The following BMP2K variants were observed in gnomAD, a reference collection of about 807,000 sequenced individuals.
The protein encoded by BMP2K is BMP-2-inducible protein kinase.
A neutral mutation model predicts 116.0 loss-of-function variants in BMP2K; 74 were observed. That is an observed-to-expected ratio of 0.64 (90% CI 0.53 to 0.77). The LOEUF is 0.77. BMP2K is among the 30% of genes least tolerant of loss of function. The pLI is 0.00. For synonymous variants in BMP2K, 486 were observed against 502.5 expected (o/e 0.97, Z 0.44); for missense variants, 1,365 against 1,403.6 (o/e 0.97, Z 0.44).
Position 78,900,117 on chromosome 4 carries a change from C to T in BMP2K, c.2063-10493C>T, listed in dbSNP as rs142490020. Among the ~76,000 whole-genome samples, 678 of 152,288 alleles carry T rather than the reference C, an allele frequency of 4.5e-3. 2 individuals carry two copies. Among genetic ancestry groups the T allele is most frequent in the African/African-American group, 0.015 (640 of 41,562 alleles). On this transcript the variant is annotated intron_variant, in intron 15 of 15. Transcript: ENST00000502613. ...CAGCAAGAACAACCCCTCTTCTTTG[C>T]TCCTCAGCCTACTCAATGTGAAGAC...
chr4:78,910,852 CAAG>C lies in BMP2K; in HGVS notation c.2306_2308del (p.Gln769_Gly770delinsArg), dbSNP rs1734550779. The C allele has an allele frequency of 6.2e-7, 1 of 1,613,874 alleles. No homozygotes were observed. The highest frequency in any genetic ancestry group is 1.1e-5 in the South Asian group (1 of 91,074). ...TGATGAAGAAGTTCTTCAGGGGGAA[CAAG>C]GAGATTTTAATGATGATGATACTGA... On this transcript the variant is annotated inframe_deletion, in exon 16 of 16. Coordinates refer to ENST00000502613, the MANE Select transcript of BMP2K (RefSeq NM_198892.2).
At position 78,861,406 on chromosome 4, in the gene BMP2K, A is replaced by G; in HGVS notation, c.1005A>G (p.Ser335=). 1.2e-6 allele frequency: 2 copies of G among 1,606,116 alleles called. No homozygotes were observed. Among genetic ancestry groups the G allele is most frequent in the African/African-American group, 2.7e-5 (2 of 74,554 alleles). Residue 335 remains serine, a synonymous_variant, in exon 9 of 16, where the codon TCA becomes TCG. Coordinates refer to ENST00000502613, the MANE Select transcript of BMP2K (RefSeq NM_198892.2). ...VSNINNSSIP[S]ALPEPMTASE... ...CTTCCAAGAATTCTTCTATTCCTTC[A>G]GCTCTTCCTGAACCGATGACTGCTA...
rs541639127 is a variant in BMP2K at position 78,797,234 on chromosome 4, A to G, written c.178+20513A>G. ...GGCCGGAGTTTCTGTGGTATCTGCA[A>G]GCTCTCAGGTGATGCCAGTTCTGTT... On this transcript the variant is annotated intron_variant, in intron 1 of 15. Transcript: ENST00000502613. Among the ~76,000 whole-genome samples, 50 of 152,288 alleles carry G rather than the reference A, an allele frequency of 3.3e-4. 1 individual carries two copies. In the South Asian group the frequency reaches 0.01, roughly 31 times the overall value.
At chr4:78,862,917 T>G (rs7689396) in intron 9 of BMP2K, among the ~76,000 whole-genome samples, 152,153 of 152,154 alleles carry the variant, frequency 1, 76,076 homozygotes, top group Non-Finnish European at 1. Context: ...TAGTTGAGTG[T>G]TAATTATGAA....
chr4:78,830,348 TTTG>T (rs1730150301), intron 2 of BMP2K, among the ~76,000 whole-genome samples: 1 of 152,164 alleles, frequency 6.6e-6, no homozygotes, highest in South Asian at 2.1e-4. Context: ...TCATTCAGGC[TTTG>T]TTGTTTTATT....
intron 1 of BMP2K, among the ~76,000 whole-genome samples, chr4:78,784,306 T>C (rs1727637710): frequency 6.6e-6 from 1 of 152,210 alleles, no homozygotes; most frequent in Non-Finnish European, 1.5e-5. Flanking sequence ...CTGCCACACT[T>C]TTCTAGTGGT....
At chr4:78,831,192 T>A (rs1282935137) in intron 2 of BMP2K, among the ~76,000 whole-genome samples, 1 of 152,234 alleles carries the variant, frequency 6.6e-6, no homozygotes. Context: ...TAACATTTAT[T>A]AAGTTCACTG....
intron 1 of BMP2K, among the ~76,000 whole-genome samples, chr4:78,808,087 C>T (rs564016470): frequency 3.3e-5 from 5 of 151,880 alleles, no homozygotes; most frequent in African/African-American, 1.2e-4. Context: ...TGGAGTCTCG[C>T]TCTGTTGCCC....
chr4:78,803,185 A>AC (rs1728656627), intron 1 of BMP2K, among the ~76,000 whole-genome samples: 1 of 151,804 alleles, frequency 6.6e-6, no homozygotes. Flanking sequence ...AAAGTGACTA[A>AC]CCCCACTTCA....
Position 78,867,460 on chromosome 4 carries a change from T to C in BMP2K, c.1231+1740T>C, listed in dbSNP as rs547126518. 9.1e-4 allele frequency among the ~76,000 whole-genome samples: 138 copies of C among 152,336 alleles called. 1 individual carries two copies. Among genetic ancestry groups the C allele is most frequent in the African/African-American group, 3.2e-3 (132 of 41,572 alleles). On this transcript the variant is annotated intron_variant, in intron 10 of 15. Coordinates refer to ENST00000502613, the MANE Select transcript of BMP2K (RefSeq NM_198892.2). The stretch of plus-strand genomic sequence containing the variant: ...CTGTGATTGCCAGGCCTAATCCTGA[T>C]GTCAGGGGCCGTGTTTCTCTTTCTT...
At chr4:78,844,706 C>T (rs796964146) in intron 4 of BMP2K, among the ~76,000 whole-genome samples, 8 of 151,666 alleles carry the variant, frequency 5.3e-5, no homozygotes, top group African/African-American at 1.2e-4. Flanking sequence ...TGACCTTCCT[C>T]ATAATTTGGG....
At chr4:78,813,362 C>T (rs2109976629) in intron 1 of BMP2K, among the ~76,000 whole-genome samples, 1 of 152,278 alleles carries the variant, frequency 6.6e-6, no homozygotes, top group East Asian at 1.9e-4. Context: ...GTTCTTCACA[C>T]AGTGGTCATA....
intron 1 of BMP2K, among the ~76,000 whole-genome samples, chr4:78,825,276 A>G (rs1729816352): frequency 6.6e-6 from 1 of 152,206 alleles, no homozygotes; most frequent in South Asian, 2.1e-4. Context: ...GAAGACATTT[A>G]CTGTATGAGT....
At position 78,795,797 on chromosome 4, in the gene BMP2K, A is replaced by T. The variant is rs1416345179; in HGVS notation, c.178+19076A>T. Among the ~76,000 whole-genome samples the T allele has an allele frequency of 3.3e-5, 5 of 152,320 alleles. No individual in the cohort carries two copies. In the East Asian group the frequency reaches 9.6e-4, roughly 29 times the overall value. ...AAAAACACATGAAAAAATACTCATC[A>T]TCTCACTGGCCATCAGAGAAATGCA... On this transcript the variant is annotated intron_variant, in intron 1 of 15. Transcript: ENST00000502613.
At chr4:78,886,212 G>A (rs1733075158) in intron 14 of BMP2K, among the ~76,000 whole-genome samples, 1 of 152,116 alleles carries the variant, frequency 6.6e-6, no homozygotes, top group Non-Finnish European at 1.5e-5. Flanking sequence ...AGGGAGTCAG[G>A]ATATATCAAC....
chr4:78,872,773 A>G lies in BMP2K; in HGVS notation c.1768A>G (p.Met590Val), dbSNP rs929924423. The G allele has an allele frequency of 1.9e-6, 3 of 1,614,068 alleles. No individual in the cohort carries two copies. Among genetic ancestry groups the G allele is most frequent in the Non-Finnish European group, 2.5e-6 (3 of 1,179,932 alleles). ...ACTTCCAGCTCAGGTTGGAACCATA[A>G]TGGACTCCTCCTATAGTGCCAATAG... is the stretch of plus-strand genomic sequence containing the variant. Reference protein sequence around the residue: ...SSLPAQVGTIMDSSYSANRSV... With the variant: ...SSLPAQVGTIVDSSYSANRSV... Residue 590 changes from methionine to valine, a missense_variant, in exon 13 of 16, where the codon ATG becomes GTG. By Grantham distance (21) the Met-to-Val change is conservative (BLOSUM62 1). Around this residue, in one of 3 missense-constraint regions of BMP2K, gnomAD observed 762 missense variants for 756.7 expected, o/e 1.01. Transcript: ENST00000502613.
chr4:78,812,043 G>A (rs1214986946), intron 1 of BMP2K, among the ~76,000 whole-genome samples: 12 of 151,748 alleles, frequency 7.9e-5, no homozygotes, highest in Non-Finnish European at 1.5e-4. Flanking sequence ...GCATGAACTC[G>A]GCTTACTGCA....
rs1335782363 is a variant in BMP2K, at chr4:78,911,488, C to T, written c.2941C>T (p.Arg981Cys). The T allele has an allele frequency of 1.2e-6, 2 of 1,613,908 alleles. No individual in the cohort carries two copies. The highest frequency in any genetic ancestry group is 1.7e-6 in the Non-Finnish European group (2 of 1,179,908). Reference sequence around the variant, plus strand: ...GCGCAGCTTACAGAAACTGTCCTCTCGCCAAAGGCGCACAAAGCAGGATAT... The same window carrying T: ...GCGCAGCTTACAGAAACTGTCCTCTTGCCAAAGGCGCACAAAGCAGGATAT... ...KQRSLQKLSSRQRRTKQDMSK... is the reference protein window; with the variant it reads ...KQRSLQKLSSCQRRTKQDMSK... The change falls in exon 16 of 16, where the codon CGC becomes TGC. Residue 981 changes from arginine to cysteine, a missense_variant. This residue lies in a region of BMP2K where 596 missense variants were observed against 623.2 expected (regional missense o/e 0.96). Transcript: ENST00000502613.
intron 15 of BMP2K, among the ~76,000 whole-genome samples, chr4:78,894,535 G>A (rs370620561): frequency 1.3e-5 from 2 of 152,212 alleles, no homozygotes; most frequent in South Asian, 2.1e-4. Flanking sequence ...TCATAGGATT[G>A]AAGAGAGTTA....
Sources: allele counts gnomAD v4.1 joint callset (sites outside exome capture counted in the v4.1 genomes callset), GRCh38; gene constraint gnomAD v4.1.1; regional missense constraint gnomAD v4.1.1; transcripts MANE v1.5; gene names NCBI Gene and HGNC (gene_info 2026-07-23, HGNC 2026-07-21).